Variants in PTPRJ observed in about 807,000 individuals in gnomAD.
PTPRJ encodes protein tyrosine phosphatase receptor type J, also known as receptor-type tyrosine-protein phosphatase eta.
A neutral mutation model predicts 141.3 loss-of-function variants in PTPRJ; 129 were observed. The ratio of observed to expected loss-of-function variants is 0.91; its 90% CI spans 0.79 to 1.06. The LOEUF (loss-of-function observed/expected upper bound fraction) is 1.06, where lower values mean the gene tolerates loss of function less well. Ranked by LOEUF, PTPRJ falls within the 50% of genes least tolerant of loss-of-function variation. PTPRJ has a pLI of 0.00. For missense variants in PTPRJ, 1,601 were observed against 1,679.7 expected, an observed-to-expected ratio of 0.95 and a Z score of 0.82; for synonymous variants, 610 against 640.5, an observed-to-expected ratio of 0.95 and a Z score of 0.72.
chr11:47,997,798 T>A (rs977740031), intron 1 of PTPRJ, among the ~76,000 whole-genome samples: 1 of 152,150 alleles, frequency 6.6e-6, no homozygotes, highest in Non-Finnish European at 1.5e-5. Flanking sequence ...CACTGCCAAG[T>A]TCCCCCTCCC....
At chr11:48,037,136 A>T (rs557402771) in intron 1 of PTPRJ, among the ~76,000 whole-genome samples, 1 of 152,344 alleles carries the variant, frequency 6.6e-6, no homozygotes, top group East Asian at 1.9e-4. Context: ...CCGATTCAGA[A>T]CTTTTGTAGA....
chr11:48,115,006 G>T (rs1238685997), intron 3 of PTPRJ, among the ~76,000 whole-genome samples: 1 of 152,054 alleles, frequency 6.6e-6, no homozygotes, highest in African/African-American at 2.4e-5. Flanking sequence ...ATATACAGAG[G>T]AGGAAAAATA....
At chr11:48,074,673 C>T (rs1855353245) in intron 1 of PTPRJ, among the ~76,000 whole-genome samples, 1 of 152,150 alleles carries the variant, frequency 6.6e-6, no homozygotes, top group Non-Finnish European at 1.5e-5. Context: ...CTGTGAAGTT[C>T]AGTGTTCACA....
At chr11:48,080,880 T>C (rs759504174) in intron 1 of PTPRJ, among the ~76,000 whole-genome samples, 3 of 152,260 alleles carry the variant, frequency 2.0e-5, no homozygotes, top group Non-Finnish European at 4.4e-5. Context: ...TATTTTTGTA[T>C]TCCTACTTCT....
intron 1 of PTPRJ, among the ~76,000 whole-genome samples, chr11:48,042,224 CTT>C (rs1024573358): frequency 1.3e-5 from 2 of 152,094 alleles, no homozygotes; most frequent in African/African-American, 4.8e-5. Context: ...TCTTCAGTGT[CTT>C]TTTGGTCATA....
chr11:48,112,473 A>C (rs1230187582), intron 2 of PTPRJ, among the ~76,000 whole-genome samples: 1 of 152,224 alleles, frequency 6.6e-6, no homozygotes, highest in Non-Finnish European at 1.5e-5. Flanking sequence ...GCTCTTGGCC[A>C]TAGGAGCTCA....
At chr11:48,125,433 C>T (rs1856809902) in intron 6 of PTPRJ, among the ~76,000 whole-genome samples, 1 of 152,194 alleles carries the variant, frequency 6.6e-6, no homozygotes, top group Admixed American at 6.5e-5. Flanking sequence ...CCAGGCACTG[C>T]CTCACGCCAT....
chr11:48,132,978 A>G (rs879708357), intron 8 of PTPRJ, among the ~76,000 whole-genome samples: 14 of 152,214 alleles, frequency 9.2e-5, no homozygotes, highest in Non-Finnish European at 1.6e-4. Flanking sequence ...GATAATGGTA[A>G]GAGGATCACC....
At chr11:48,039,337 T>TA (rs573653186) in intron 1 of PTPRJ, among the ~76,000 whole-genome samples, 10,002 of 143,440 alleles carry the variant, frequency 0.07, 1,038 homozygotes, top group African/African-American at 0.23. Context: ...TTAGAGAGGT[T>TA]AAAAAAAAAA....
chr11:47,987,820 A>T (rs1471547078), intron 1 of PTPRJ, among the ~76,000 whole-genome samples: 3 of 152,100 alleles, frequency 2.0e-5, no homozygotes, highest in Non-Finnish European at 2.9e-5. Context: ...CAGTCATCCT[A>T]TTGTCTCAGA....
chr11:48,105,974 CCACCCT>C (rs1856277986), intron 1 of PTPRJ, among the ~76,000 whole-genome samples: 1 of 152,160 alleles, frequency 6.6e-6, no homozygotes, highest in Non-Finnish European at 1.5e-5. Context: ...TTCCTTAACC[CCACCCT>C]CACCCTTGAA....
intron 21 of PTPRJ, among the ~76,000 whole-genome samples, chr11:48,156,360 C>T (rs1037021124): frequency 6.6e-6 from 1 of 151,926 alleles, no homozygotes; most frequent in African/African-American, 2.4e-5. Flanking sequence ...CTGTTTATTA[C>T]GTTGCTGCTG....
intron 1 of PTPRJ, among the ~76,000 whole-genome samples, chr11:48,097,797 C>G (rs771701427): frequency 6.6e-6 from 1 of 152,172 alleles, no homozygotes; most frequent in Non-Finnish European, 1.5e-5. Context: ...CTCAGCCCCC[C>G]AAAGTGCTAG....
chr11:48,127,375 C>T (rs941667362), intron 6 of PTPRJ, among the ~76,000 whole-genome samples: 7 of 152,196 alleles, frequency 4.6e-5, no homozygotes. Flanking sequence ...CCCTGGAACC[C>T]AGGCCTGCCT....
intron 6 of PTPRJ, among the ~76,000 whole-genome samples, chr11:48,125,630 T>C (rs1220613496): frequency 6.6e-6 from 1 of 152,264 alleles, no homozygotes. Context: ...ACATGCACAT[T>C]GCTGCTTCCT....
chr11:48,165,741 T>A (rs973109989), intron 24 of PTPRJ, among the ~76,000 whole-genome samples: 2 of 152,228 alleles, frequency 1.3e-5, no homozygotes, highest in Non-Finnish European at 2.9e-5. Flanking sequence ...TATTTCTCAA[T>A]CTTTTATCCT....
intron 6 of PTPRJ, among the ~76,000 whole-genome samples, chr11:48,127,079 T>A (rs1856854038): frequency 6.6e-6 from 1 of 152,038 alleles, no homozygotes; most frequent in African/African-American, 2.4e-5. Flanking sequence ...CTGACTCCTT[T>A]CTCCTGTGGC....
chr11:48,016,993 C>T (rs1300052821), intron 1 of PTPRJ, among the ~76,000 whole-genome samples: 1 of 151,908 alleles, frequency 6.6e-6, no homozygotes, highest in African/African-American at 2.4e-5. Flanking sequence ...CTCCTGGGCT[C>T]AAGCAATCCT....
At position 48,145,112 on chromosome 11, in the gene PTPRJ, C is replaced by A; in HGVS notation, c.2899C>A (p.Pro967Thr). 6.2e-7 allele frequency: 1 copy of A among 1,614,022 alleles called. No homozygotes were observed. Residue 967 changes from proline to threonine, a missense_variant, in exon 14 of 25, where the codon CCC becomes ACC. Coordinates refer to ENST00000418331, the MANE Select transcript of PTPRJ (RefSeq NM_002843.4). The part of the protein sequence containing the change: ...FSRYSDAVSL[P>T]QDPGVICGAV... ...TCGCTACTCAGATGCTGTTTCCTTG[C>A]CCCAGGATCCAGGTAGGGAGAAGAC...
Sources: gnomAD v4.1 joint callset for allele counts (sites outside exome capture counted in the v4.1 genomes callset) on GRCh38, gnomAD v4.1.1 for gene constraint, MANE v1.5 for transcripts, NCBI Gene and HGNC (gene_info 2026-07-23, HGNC 2026-07-21) for gene names.